TRPC4: variants seen among roughly 807,000 people sequenced by gnomAD.
The protein encoded by TRPC4 is transient receptor potential cation channel subfamily C member 4.
In TRPC4, 49 loss-of-function variants were observed where a neutral mutation model predicts 99.4. The ratio of observed to expected loss-of-function variants is 0.49; its 90% CI spans 0.39 to 0.63. TRPC4 has a LOEUF of 0.63. TRPC4 is among the 20% of genes least tolerant of loss of function. TRPC4 has a pLI of 0.00. For synonymous variants in TRPC4, 454 were observed against 425.9 expected, an observed-to-expected ratio of 1.07 and a Z score of -0.81; for missense variants, 898 against 1,152.9, an observed-to-expected ratio of 0.78 and a Z score of 3.20.
chr13:37,776,653 C>T (rs1956712988), intron 2 of TRPC4, among the ~76,000 whole-genome samples: 1 of 151,848 alleles, frequency 6.6e-6, no homozygotes, highest in Non-Finnish European at 1.5e-5. Context: ...TAGAGGGTGG[C>T]TCTATGAGTT....
chr13:37,865,609 A>G (rs1959690056), intron 1 of TRPC4, among the ~76,000 whole-genome samples: 1 of 151,722 alleles, frequency 6.6e-6, no homozygotes, highest in Non-Finnish European at 1.5e-5. Context: ...CATGATGGGG[A>G]CAGTTGTTTA....
chr13:37,785,267 G>A (rs1001648027), intron 1 of TRPC4, among the ~76,000 whole-genome samples: 1 of 152,094 alleles, frequency 6.6e-6, no homozygotes, highest in East Asian at 1.9e-4. Flanking sequence ...TTGGAAAGGT[G>A]GTTGACACTC....
chr13:37,642,378 G>A (rs1206769779), intron 8 of TRPC4, among the ~76,000 whole-genome samples: 2 of 152,170 alleles, frequency 1.3e-5, no homozygotes, highest in African/African-American at 4.8e-5. Context: ...TAGTGGAGCT[G>A]TGGAATGTAC....
intron 4 of TRPC4, among the ~76,000 whole-genome samples, chr13:37,682,452 A>C (rs1356524330): frequency 6.6e-6 from 1 of 152,144 alleles, no homozygotes; most frequent in Non-Finnish European, 1.5e-5. Flanking sequence ...GTAGAAACCC[A>C]CTTGTTCTGG....
At chr13:37,651,119 G>T in intron 8 of TRPC4, 146 bp downstream of exon 8, 1 of 873,828 alleles carries the variant, frequency 1.1e-6, no homozygotes, top group South Asian at 1.8e-5. Context: ...CACTGCCTTA[G>T]TCATGGGAGA....
At chr13:37,831,471 T>C (rs1593280754) in intron 1 of TRPC4, among the ~76,000 whole-genome samples, 1 of 152,188 alleles carries the variant, frequency 6.6e-6, no homozygotes, top group East Asian at 1.9e-4. Flanking sequence ...TGGAATATAG[T>C]ATGGAGGTTC....
chr13:37,790,031 C>T (rs1182801244), intron 1 of TRPC4, among the ~76,000 whole-genome samples: 1 of 151,920 alleles, frequency 6.6e-6, no homozygotes, highest in Non-Finnish European at 1.5e-5. Context: ...AGGAGAAAAA[C>T]TTAGGAATAA....
At chr13:37,655,539 CT>C (rs1405379162) in intron 6 of TRPC4, among the ~76,000 whole-genome samples, 1 of 151,648 alleles carries the variant, frequency 6.6e-6, no homozygotes, top group Non-Finnish European at 1.5e-5. Context: ...ATTTAGTTTC[CT>C]AGGGCAGAGA....
intron 3 of TRPC4, among the ~76,000 whole-genome samples, chr13:37,715,393 G>A (rs1954626109): frequency 6.6e-6 from 1 of 152,162 alleles, no homozygotes; most frequent in African/African-American, 2.4e-5. Flanking sequence ...TACAGAAAAA[G>A]CATGTATTAT....
intron 1 of TRPC4, among the ~76,000 whole-genome samples, chr13:37,807,307 C>T (rs1957551087): frequency 6.6e-6 from 1 of 151,934 alleles, no homozygotes; most frequent in Non-Finnish European, 1.5e-5. Context: ...TCAAACATTC[C>T]ACTGGAGCAT....
chr13:37,845,748 A>G (rs1333646711), intron 1 of TRPC4, among the ~76,000 whole-genome samples: 1 of 152,192 alleles, frequency 6.6e-6, no homozygotes, highest in African/African-American at 2.4e-5. Context: ...TAGAAAGCAT[A>G]TTTGAGAAAA....
intron 1 of TRPC4, among the ~76,000 whole-genome samples, chr13:37,855,600 G>T (rs139319589): frequency 6.6e-6 from 1 of 151,816 alleles, no homozygotes; most frequent in Admixed American, 6.6e-5. Flanking sequence ...TTCAGCCCAT[G>T]GATCATTCTC....
chr13:37,652,906 A>G (rs1262607434), intron 7 of TRPC4, among the ~76,000 whole-genome samples: 1 of 152,122 alleles, frequency 6.6e-6, no homozygotes, highest in Non-Finnish European at 1.5e-5. Context: ...AACATAGTCT[A>G]TGGTGCTTAG....
At chr13:37,784,527 C>T (rs1051948354) in intron 1 of TRPC4, among the ~76,000 whole-genome samples, 19 of 151,948 alleles carry the variant, frequency 1.3e-4, no homozygotes, top group African/African-American at 4.3e-4. Flanking sequence ...TATTATCTAA[C>T]CTATTTTACT....
At chr13:37,827,815 C>T (rs1191012444) in intron 1 of TRPC4, among the ~76,000 whole-genome samples, 5 of 151,924 alleles carry the variant, frequency 3.3e-5, no homozygotes, top group South Asian at 2.1e-4. Context: ...TCCAGCTTCC[C>T]AGCTGCTTTG....
chr13:37,702,624 A>G (rs188136428), intron 3 of TRPC4, among the ~76,000 whole-genome samples: 2 of 152,250 alleles, frequency 1.3e-5, no homozygotes, highest in Non-Finnish European at 2.9e-5. Context: ...TACCTCTTAT[A>G]TCATATTTTA....
chr13:37,841,738 C>T (rs930184844), intron 1 of TRPC4, among the ~76,000 whole-genome samples: 2 of 151,930 alleles, frequency 1.3e-5, no homozygotes, highest in Non-Finnish European at 2.9e-5. Context: ...AGTAATGACA[C>T]TAAATGCTGG....
In TRPC4 at chr13:37,795,933, G is replaced by C. The variant is rs114190340; in HGVS notation, c.-27-12573C>G. ...TTAATAACTCCCTCACGGTCATACA[G>C]CTACTAAATGTTGCATCCAGAAGAT... On this transcript the variant is annotated intron_variant, in intron 1 of 10. Transcript: ENST00000379705. Among the ~76,000 whole-genome samples, 421 of 152,214 alleles carry C rather than the reference G, an allele frequency of 2.8e-3. 1 individual carries two copies. The highest frequency in any genetic ancestry group is 9.8e-3 in the African/African-American group (409 of 41,542).
intron 4 of TRPC4, among the ~76,000 whole-genome samples, chr13:37,689,272 T>C (rs1415233304): frequency 6.6e-6 from 1 of 152,122 alleles, no homozygotes; most frequent in Non-Finnish European, 1.5e-5. Context: ...AGTCTCCTAG[T>C]GGTAGAACCT....
Sources: allele counts gnomAD v4.1 joint callset (sites outside exome capture counted in the v4.1 genomes callset), GRCh38; gene constraint gnomAD v4.1.1; transcripts MANE v1.5; gene names NCBI Gene and HGNC (gene_info 2026-07-23, HGNC 2026-07-21).